CSMD3: variants seen among roughly 807,000 people sequenced by gnomAD.
The protein encoded by CSMD3 is CUB and Sushi multiple domains 3.
Under a neutral mutation model 435.2 loss-of-function variants are expected in CSMD3, and 177 were observed. The ratio of observed to expected loss-of-function variants is 0.41; its 90% CI spans 0.36 to 0.46. The LOEUF is 0.46. Among genes scored for constraint, CSMD3 ranks in the 20% least tolerant of loss-of-function variants. The probability of loss-of-function intolerance (pLI) is 0.34; values close to 1 mark genes in which losing one functional copy is unlikely to be tolerated. For missense variants in CSMD3, 4,265 were observed against 4,504.6 expected (o/e 0.95, Z 1.52); for synonymous variants, 1,656 against 1,520.5 (o/e 1.09, Z -2.07).
chr8:112,636,488 G>GCCTA (rs1563794947), intron 22 of CSMD3, among the ~76,000 whole-genome samples: 2 of 151,044 alleles, frequency 1.3e-5, no homozygotes, highest in Non-Finnish European at 3.0e-5. Flanking sequence ...CTGTCTATCT[G>GCCTA]TCTATCTATA....
At chr8:113,073,478 C>T (rs1053458248) in intron 5 of CSMD3, among the ~76,000 whole-genome samples, 1 of 151,684 alleles carries the variant, frequency 6.6e-6, no homozygotes, top group African/African-American at 2.4e-5. Flanking sequence ...ATAAGGCAAC[C>T]CCCTGCACAT....
chr8:112,342,303 A>G (rs138292552), intron 41 of CSMD3, among the ~76,000 whole-genome samples: 1 of 152,140 alleles, frequency 6.6e-6, no homozygotes, highest in Non-Finnish European at 1.5e-5. Flanking sequence ...TAATCTCAAT[A>G]TCTTTATAAG....
intron 4 of CSMD3, among the ~76,000 whole-genome samples, chr8:113,116,870 C>A (rs1465404579): frequency 1.3e-5 from 2 of 152,156 alleles, no homozygotes; most frequent in Middle Eastern, 6.8e-3. Flanking sequence ...TGCAAAAAGA[C>A]TGATGGTATT....
At chr8:113,118,954 T>C (rs1045605719) in intron 4 of CSMD3, among the ~76,000 whole-genome samples, 2 of 152,114 alleles carry the variant, frequency 1.3e-5, no homozygotes, top group Admixed American at 6.6e-5. Context: ...TCTCATTTTC[T>C]GCTACAAAAT....
At chr8:112,883,148 C>T (rs1453526415) in intron 10 of CSMD3, among the ~76,000 whole-genome samples, 2 of 151,922 alleles carry the variant, frequency 1.3e-5, no homozygotes, top group East Asian at 1.9e-4. Flanking sequence ...ATCTGAACCC[C>T]AGGCCAAGTT....
At chr8:112,448,361 G>T (rs1352001436) in intron 32 of CSMD3, among the ~76,000 whole-genome samples, 2 of 152,124 alleles carry the variant, frequency 1.3e-5, no homozygotes, top group South Asian at 2.1e-4. Flanking sequence ...ATATGAAACT[G>T]GGTGGACACA....
chr8:113,296,437 T>C (rs1453405275), intron 2 of CSMD3, among the ~76,000 whole-genome samples: 6 of 151,892 alleles, frequency 4.0e-5, no homozygotes, highest in South Asian at 4.1e-4. Context: ...CAGGAGAGAA[T>C]TGCTTGAACC....
chr8:112,297,028 C>G (rs1318926774), intron 53 of CSMD3, among the ~76,000 whole-genome samples: 3 of 150,496 alleles, frequency 2.0e-5, no homozygotes, highest in Non-Finnish European at 4.4e-5. Context: ...CGCCCCAAAA[C>G]TAACACAAGG....
chr8:112,622,453 AT>A lies in CSMD3; in HGVS notation c.3715+14363del, dbSNP rs1335742227. On this transcript the variant is annotated intron_variant, in intron 22 of 70. Transcript: ENST00000297405. ...TTCTTTGCTTAAAACACCGTAATGG[AT>A]GTCCATCACTTTTTAAACAATGTAC... is the stretch of plus-strand genomic sequence containing the variant. Among the ~76,000 whole-genome samples the A allele has an allele frequency of 3.3e-5, 5 of 152,286 alleles. No individual in the cohort carries two copies. In the South Asian group the frequency reaches 1.0e-3, roughly 32 times the overall value.
At chr8:112,331,666 A>C (rs1824075372) in intron 45 of CSMD3, among the ~76,000 whole-genome samples, 4 of 152,158 alleles carry the variant, frequency 2.6e-5, no homozygotes. Context: ...TTGAACTGTC[A>C]ACCTTATAAA....
intron 47 of CSMD3, among the ~76,000 whole-genome samples, chr8:112,318,312 C>T (rs983095592): frequency 1.3e-5 from 2 of 152,054 alleles, no homozygotes. Context: ...GTCTCTTTCC[C>T]TAAACACTGT....
At chr8:112,738,789 A>G (rs975543418) in intron 13 of CSMD3, among the ~76,000 whole-genome samples, 1 of 151,718 alleles carries the variant, frequency 6.6e-6, no homozygotes, top group Admixed American at 6.6e-5. Context: ...GTCTAAAATA[A>G]AAAGCAATAA....
intron 30 of CSMD3, among the ~76,000 whole-genome samples, chr8:112,501,234 A>T (rs527335711): frequency 5.3e-5 from 8 of 152,160 alleles, no homozygotes; most frequent in Admixed American, 3.3e-4. Flanking sequence ...TTTTTGTAAT[A>T]TAGAGTAATA....
intron 5 of CSMD3, among the ~76,000 whole-genome samples, chr8:113,047,345 A>G (rs1284604504): frequency 6.6e-6 from 1 of 152,256 alleles, no homozygotes; most frequent in Non-Finnish European, 1.5e-5. Flanking sequence ...GTTCTGGCAC[A>G]GAGAATGTGA....
At chr8:112,928,069 A>G (rs982101439) in intron 9 of CSMD3, among the ~76,000 whole-genome samples, 2 of 152,184 alleles carry the variant, frequency 1.3e-5, no homozygotes, top group African/African-American at 4.8e-5. Context: ...GATAAATTCT[A>G]TCACTAGGAG....
chr8:112,752,667 A>G (rs981507641), intron 13 of CSMD3, among the ~76,000 whole-genome samples: 3 of 152,220 alleles, frequency 2.0e-5, no homozygotes, highest in Admixed American at 2.0e-4. Flanking sequence ...ACTAAAGAAT[A>G]AAAACATAAA....
chr8:112,268,024 G>T (rs1008033328), intron 59 of CSMD3, among the ~76,000 whole-genome samples: 1 of 152,022 alleles, frequency 6.6e-6, no homozygotes, highest in South Asian at 2.1e-4. Flanking sequence ...CGATATCATT[G>T]TATGACAACA....
chr8:112,936,502 TCTGA>T (rs1223583390), intron 9 of CSMD3, among the ~76,000 whole-genome samples: 2 of 152,086 alleles, frequency 1.3e-5, no homozygotes, highest in East Asian at 1.9e-4. Flanking sequence ...CAAGGAAGGG[TCTGA>T]CTAATTTGAC....
intron 4 of CSMD3, among the ~76,000 whole-genome samples, chr8:113,165,825 G>A (rs775295195): frequency 3.6e-4 from 55 of 152,024 alleles, no homozygotes; most frequent in Non-Finnish European, 7.1e-4. Context: ...AGGGGAAAAA[G>A]TAAATAGTTG....
Sources: gnomAD v4.1 joint callset for allele counts (sites outside exome capture counted in the v4.1 genomes callset) on GRCh38, gnomAD v4.1.1 for gene constraint, MANE v1.5 for transcripts, NCBI Gene and HGNC (gene_info 2026-07-23, HGNC 2026-07-21) for gene names.